The following STK3 variants were observed in gnomAD, a reference collection of about 807,000 sequenced individuals.
STK3 encodes serine/threonine kinase 3.
In STK3, 41 loss-of-function variants were observed where a neutral mutation model predicts 58.0. The observed-to-expected ratio is 0.71, with a 90% CI of 0.55 to 0.92. The LOEUF (loss-of-function observed/expected upper bound fraction) is 0.92, where lower values mean the gene tolerates loss of function less well. Among genes scored for constraint, STK3 ranks in the 40% least tolerant of loss-of-function variants. STK3 has a pLI of 0.00. For synonymous variants in STK3, 170 were observed against 191.0 expected (o/e 0.89, Z 0.91); for missense variants, 479 against 602.7 (o/e 0.79, Z 2.15).
chr8:98,364,474 G>GC, the STK3 span, among the ~76,000 whole-genome samples: 1 of 152,160 alleles, frequency 6.6e-6, no homozygotes, highest in Non-Finnish European at 1.5e-5. Flanking sequence ...CTGAGTAAGA[G>GC]CCCCAATTCC....
chr8:98,914,848 C>G (rs562801359), intron 1 of STK3, among the ~76,000 whole-genome samples: 1 of 152,322 alleles, frequency 6.6e-6, no homozygotes, highest in African/African-American at 2.4e-5. Context: ...GCAAATACAT[C>G]TTTCACTAAA....
At chr8:98,838,341 C>T (rs1176471487) in intron 3 of STK3, among the ~76,000 whole-genome samples, 2 of 152,128 alleles carry the variant, frequency 1.3e-5, no homozygotes, top group African/African-American at 4.8e-5. Context: ...CTTTCAATTT[C>T]TTTTTATTCC....
At chr8:98,613,712 A>AT (rs1817393456) in intron 6 of STK3, among the ~76,000 whole-genome samples, 1 of 152,136 alleles carries the variant, frequency 6.6e-6, no homozygotes, top group African/African-American at 2.4e-5. Context: ...TAATTACATT[A>AT]AATGTAAATC....
intron 6 of STK3, among the ~76,000 whole-genome samples, chr8:98,670,130 A>G (rs566126311): frequency 6.6e-6 from 1 of 152,338 alleles, no homozygotes; most frequent in Admixed American, 6.5e-5. Flanking sequence ...GCACTTTGGG[A>G]GGCCAAGGCA....
chr8:98,368,715 T>C (rs942712432), downstream of STK3, among the ~76,000 whole-genome samples: 2 of 152,184 alleles, frequency 1.3e-5, no homozygotes, highest in Admixed American at 6.5e-5. Flanking sequence ...TCATGCTTGA[T>C]TGTTTGTCAC....
intron 1 of STK3, 79 bp from the exon 2 acceptor site, chr8:98,774,898 CAA>C (rs1303198482): frequency 2.2e-5 from 22 of 979,870 alleles, no homozygotes; most frequent in Non-Finnish European, 3.1e-5. Context: ...AAAATTTTAC[CAA>C]GTTTTTAATT....
rs1177848828 is a variant in STK3 at position 98,638,756 on chromosome 8, G to A, written c.685-42587C>T. Among the ~76,000 whole-genome samples, 4 of 152,180 alleles carry A rather than the reference G, an allele frequency of 2.6e-5. No homozygotes were observed. The South Asian group carries it at 8.3e-4, about 31-fold the overall frequency. On this transcript the variant is annotated intron_variant, in intron 6 of 10. Coordinates refer to ENST00000419617, the MANE Select transcript of STK3 (RefSeq NM_006281.4). ...AGCAACACCAGCAAAGAGACAGGCAGCAGTGGGGTCAGAGCATGAGAACAG... is the reference window on the plus strand; with the variant it reads ...AGCAACACCAGCAAAGAGACAGGCAACAGTGGGGTCAGAGCATGAGAACAG...
chr8:98,495,667 T>C (rs984305435), intron 10 of STK3, among the ~76,000 whole-genome samples: 3 of 152,178 alleles, frequency 2.0e-5, no homozygotes, highest in African/African-American at 2.4e-5. Flanking sequence ...GTTTTTAAAG[T>C]TTTTAGTTCT....
intron 8 of STK3, among the ~76,000 whole-genome samples, chr8:98,577,932 A>T (rs1813547984): frequency 1.3e-5 from 2 of 152,130 alleles, no homozygotes; most frequent in Admixed American, 1.3e-4. Flanking sequence ...CTGAGTAAGG[A>T]AAGATCTTAA....
upstream of STK3, chr8:98,825,816 CCGCCCCGCCCCGCCCCCG>C: frequency 1.4e-5 from 1 of 71,678 alleles, no homozygotes; most frequent in African/African-American, 5.2e-5. Context: ...CCGCCCCCGG[CCGCCCCGCCCCGCCCCCG>C]GCCGCCCCGC....
chr8:98,503,442 A>G (rs1295756973), intron 10 of STK3, among the ~76,000 whole-genome samples: 1 of 151,978 alleles, frequency 6.6e-6, no homozygotes, highest in African/African-American at 2.4e-5. Context: ...GCCTTCTGCT[A>G]GCTTTTGAAT....
intron 10 of STK3, among the ~76,000 whole-genome samples, chr8:98,466,528 T>G (rs1410441113): frequency 6.6e-6 from 1 of 152,164 alleles, no homozygotes; most frequent in Non-Finnish European, 1.5e-5. Flanking sequence ...CAATTTACAG[T>G]GGGGAAGGAT....
chr8:98,848,916 G>A (rs977735238), intron 3 of STK3, among the ~76,000 whole-genome samples: 1 of 152,226 alleles, frequency 6.6e-6, no homozygotes, highest in Non-Finnish European at 1.5e-5. Context: ...CTTGATGAAG[G>A]CTGTAATTTT....
intron 1 of STK3, among the ~76,000 whole-genome samples, chr8:98,448,000 GA>G (rs766748965): frequency 0.051 from 6,882 of 134,064 alleles, 187 homozygotes; most frequent in South Asian, 0.075. Context: ...AATATAAACT[GA>G]AAAAAAAAAA....
At chr8:98,701,211 G>T (rs890424615) in intron 6 of STK3, among the ~76,000 whole-genome samples, 7 of 151,250 alleles carry the variant, frequency 4.6e-5, no homozygotes, top group South Asian at 2.1e-4. Flanking sequence ...GGAGGGAAAA[G>T]AAAGGAAAGG....
rs747627662 is a variant in STK3 at position 98,634,050 on chromosome 8, C to T, written c.685-37881G>A. 7.9e-5 allele frequency among the ~76,000 whole-genome samples: 12 copies of T among 151,714 alleles called. No homozygotes were observed. In the South Asian group the frequency reaches 8.3e-4, roughly 11 times the overall value. Reference sequence around the variant, plus strand: ...CTGGAAGGAAAAATAAAGATGTGGACGAAAAGAAGGGGATATTACTTGAGA... The same window carrying T: ...CTGGAAGGAAAAATAAAGATGTGGATGAAAAGAAGGGGATATTACTTGAGA... On this transcript the variant is annotated intron_variant, in intron 6 of 10. Transcript: ENST00000419617.
chr8:98,367,797 C>G (rs919322944), downstream of STK3, among the ~76,000 whole-genome samples: 4 of 152,224 alleles, frequency 2.6e-5, no homozygotes, highest in African/African-American at 9.6e-5. Flanking sequence ...AGGAAGCCGA[C>G]TGACTTGAAA....
Position 98,422,769 on chromosome 8 carries a change from C to A in STK3, n.483+11358G>T, listed in dbSNP as rs535669678. Among the ~76,000 whole-genome samples the A allele has an allele frequency of 2.0e-3, 308 of 152,290 alleles. 2 individuals carry two copies. The highest frequency in any genetic ancestry group is 7.1e-3 in the African/African-American group (296 of 41,562). On this transcript the variant is annotated intron_variant and non_coding_transcript_variant, in intron 3 of 3. Coordinates refer to the STK3 transcript ENST00000517832. The stretch of plus-strand genomic sequence containing the variant: ...CAGACCCCATCCCTGATACTGACCG[C>A]CGGGTGCAGACTCATGGACACACAG...
At chr8:98,730,738 A>G (rs979919544) in intron 4 of STK3, among the ~76,000 whole-genome samples, 23 of 145,520 alleles carry the variant, frequency 1.6e-4, no homozygotes, top group Admixed American at 3.5e-4. Context: ...AAAAAAAAAA[A>G]CACCTGTGTG....
Sources: allele counts gnomAD v4.1 joint callset (sites outside exome capture counted in the v4.1 genomes callset), GRCh38; gene constraint gnomAD v4.1.1; transcripts MANE v1.5; gene names NCBI Gene and HGNC (gene_info 2026-07-23, HGNC 2026-07-21).